The following PXN variants were observed in gnomAD, a reference collection of about 807,000 sequenced individuals.
PXN encodes the protein paxillin, also known as testicular tissue protein Li 134.
In PXN, 61 loss-of-function variants were observed where a neutral mutation model predicts 103.6. That is an observed-to-expected ratio of 0.59 (90% CI 0.48 to 0.73). PXN has a LOEUF of 0.73. Ranked by LOEUF, PXN falls within the 30% of genes least tolerant of loss-of-function variation. The probability of loss-of-function intolerance (pLI) is 0.00; values close to 1 mark genes in which losing one functional copy is unlikely to be tolerated. For missense variants in PXN, 1,274 were observed against 1,460.3 expected (o/e 0.87, Z 2.08); for synonymous variants, 562 against 607.8 (o/e 0.92, Z 1.11).
In PXN at chr12:120,217,229, A is replaced by C; in HGVS notation, c.1717-113T>G. ...GGAGCACAAAAGAAAACCACCAAAG[A>C]ACCAAGCGGAGGTGGGTGGAGGCAC... On this transcript the variant is annotated intron_variant, in intron 7 of 14. Transcript: ENST00000637617. This position sits in a 1 kb window ranked among gnomAD's most constrained non-coding sequence, Gnocchi z 4.1. 1 of 938,908 alleles carries C rather than the reference A, an allele frequency of 1.1e-6. No individual in the cohort carries two copies. The highest frequency in any genetic ancestry group is 1.6e-6 in the Non-Finnish European group (1 of 619,282). The allele number at this position is 938,908 out of a possible 1,614,324, so 58.2% of individuals were successfully genotyped here. A position where few individuals can be genotyped will look rare whatever the true frequency, so the allele number is the denominator to read the frequency against.
Position 120,225,003 on chromosome 12 carries a change from A to AG in PXN, c.14-627dup. The stretch of plus-strand genomic sequence containing the variant: ...AGCGGTCCCCACCCCCTCAGTGAGC[A>AG]GGGGGCAAGACTGCTCCATTGGCTG... On this transcript the variant is annotated intron_variant, in intron 1 of 14. Coordinates refer to ENST00000637617, the MANE Select transcript of PXN (RefSeq NM_001385981.1). This position sits in a 1 kb window ranked among gnomAD's most constrained non-coding sequence, Gnocchi z 4.4. 3.0e-6 allele frequency: 1 copy of AG among 336,594 alleles called. No individual in the cohort carries two copies. The highest frequency in any genetic ancestry group is 7.6e-5 in the East Asian group (1 of 13,078). 20.9% of individuals were successfully genotyped at this position (336,594 alleles called of 1,614,324 possible).
In PXN at chr12:120,223,802, C is replaced by A; in HGVS notation, c.272G>T (p.Ser91Ile). 1 of 1,609,460 alleles carries A rather than the reference C, an allele frequency of 6.2e-7. No homozygotes were observed. ...GTTGGAGACACTGGAAGTTTTGGCA[C>A]TGGAGCCGTACACAGGTGATGAGGA... is the stretch of plus-strand genomic sequence containing the variant. ...PQSSSPVYGS[S>I]AKTSSVSNPQ... The change falls in exon 3 of 15, where the codon AGT (serine) becomes ATT (isoleucine). Residue 91 changes from serine to isoleucine, a missense_variant. Coordinates refer to ENST00000637617, the MANE Select transcript of PXN (RefSeq NM_001385981.1).
Position 120,224,520 on chromosome 12 carries a change from A to AG in PXN, c.14-144dup. ...TGGGAGAAATGACCAGCCTTGGGAC[A>AG]GGAAGCCACCAGCCCCGACCAGCCT... On this transcript the variant is annotated intron_variant, in intron 1 of 14. Coordinates refer to ENST00000637617, the MANE Select transcript of PXN (RefSeq NM_001385981.1). This position sits in a 1 kb window ranked among gnomAD's most constrained non-coding sequence, Gnocchi z 5.0. 1 of 764,936 alleles carries AG rather than the reference A, an allele frequency of 1.3e-6. No individual in the cohort carries two copies. The highest frequency in any genetic ancestry group is 2.5e-5 in the East Asian group (1 of 40,086). 47.4% of individuals were successfully genotyped at this position (764,936 alleles called of 1,614,324 possible).
intron 1 of PXN, among the ~76,000 whole-genome samples, chr12:120,232,200 T>C (rs1888190126): frequency 6.6e-6 from 1 of 152,188 alleles, no homozygotes; most frequent in African/African-American, 2.4e-5. Context: ...AAAAACTTTT[T>C]TGTAGAGACA....
In PXN at chr12:120,221,864, C is replaced by T; in HGVS notation, c.696-106G>A. The T allele has an allele frequency of 7.0e-7, 1 of 1,435,022 alleles. No homozygotes were observed. Among genetic ancestry groups the T allele is most frequent in the East Asian group, 2.6e-5 (1 of 38,860 alleles). 88.9% of individuals were successfully genotyped at this position (1,435,022 alleles called of 1,614,324 possible). ...GACACTGGGGTCTCACCATCCCCAA[C>T]CCCAGGGAGGTCCACCAGCTCCCTG... On this transcript the variant is annotated intron_variant, in intron 5 of 14. Coordinates refer to ENST00000637617, the MANE Select transcript of PXN (RefSeq NM_001385981.1). The surrounding 1 kb of genome is among the most constrained non-coding windows in gnomAD (Gnocchi z 6.6).
intron 1 of PXN, among the ~76,000 whole-genome samples, chr12:120,258,196 A>C (rs1161365817): frequency 6.6e-6 from 1 of 151,750 alleles, no homozygotes; most frequent in East Asian, 1.9e-4. Context: ...CCGTCTCAAA[A>C]AAAAAAAAAA....
intron 1 of PXN, among the ~76,000 whole-genome samples, chr12:120,259,679 G>C (rs1893561262): frequency 6.6e-6 from 1 of 152,110 alleles, no homozygotes; most frequent in African/African-American, 2.4e-5. Context: ...TTAGTTAGTT[G>C]GAAGACTTAT....
Position 120,212,526 on chromosome 12 carries a change from A to G in PXN, c.3034T>C (p.Tyr1012His). The G allele has an allele frequency of 1.2e-6, 2 of 1,613,766 alleles. No homozygotes were observed. Among genetic ancestry groups the G allele is most frequent in the Non-Finnish European group, 1.7e-6 (2 of 1,179,768 alleles). The change falls in exon 15 of 15, where the codon TAC becomes CAC. Residue 1012 changes from tyrosine to histidine, a missense_variant. Tyr to His is a moderately conservative substitution (Grantham distance 83). Coordinates refer to ENST00000637617, the MANE Select transcript of PXN (RefSeq NM_001385981.1). This position sits in a 1 kb window ranked among gnomAD's most constrained non-coding sequence, Gnocchi z 7.2. Reference sequence around the variant, plus strand: ...CGCTCGTGGTAGTGCACCTCACAGTAGGGCTGCCCGTCGTGCTCGAAGAAG... The same window carrying G: ...CGCTCGTGGTAGTGCACCTCACAGTGGGGCTGCCCGTCGTGCTCGAAGAAG... ...GSFFEHDGQPYCEVHYHERRG... is the reference protein window; with the variant it reads ...GSFFEHDGQPHCEVHYHERRG...
chr12:120,252,122 C>T (rs1224782130), intron 1 of PXN, among the ~76,000 whole-genome samples: 1 of 152,094 alleles, frequency 6.6e-6, no homozygotes, highest in African/African-American at 2.4e-5. Flanking sequence ...CACCCCAAAC[C>T]CAGAGAGAAC....
At position 120,222,729 on chromosome 12, in the gene PXN, G is replaced by A. The variant is rs766445393; in HGVS notation, c.515C>T (p.Pro172Leu). ...GAGGGGGCTCAGGGCCCCAGGAAGC[G>A]GGGGGCTTGAGTTGGCCTCATCTTG... ...FPADEANSSP[P>L]LPGALSPLYG... The change falls in exon 5 of 15, where the codon CCG becomes CTG. Residue 172 changes from proline (P) to leucine (L), a missense_variant. Physicochemically the swap from Pro to Leu is moderately conservative, Grantham distance 98 (BLOSUM62 -3). Around this residue, in one of 2 missense-constraint regions of PXN, gnomAD observed 1,178 missense variants for 1,309.0 expected, o/e 0.90. Coordinates refer to ENST00000637617, the MANE Select transcript of PXN (RefSeq NM_001385981.1). This position sits in a 1 kb window ranked among gnomAD's most constrained non-coding sequence, Gnocchi z 4.7. 10 of 1,607,394 alleles carry A rather than the reference G, an allele frequency of 6.2e-6. No individual in the cohort carries two copies. The highest frequency in any genetic ancestry group is 1.7e-4 in the Middle Eastern group (1 of 6,034).
rs181180388 is a variant in PXN at position 120,216,437 on chromosome 12, G to A, written c.2137C>T (p.Leu713=). ...CCACAGGTATAAGCTGAGGGCCCCAGGGGGGAGGAGGCGAGCAGGCTGGGC... is the reference window on the plus strand; with the variant it reads ...CCACAGGTATAAGCTGAGGGCCCCAAGGGGGAGGAGGCGAGCAGGCTGGGC... The part of the protein sequence containing the change: ...PLPSLLASSP[L]GPSAYTCGSS... The change falls in exon 9 of 15, where the codon CTG becomes TTG. Residue 713 remains leucine, a synonymous_variant. Transcript: ENST00000637617. This position sits in a 1 kb window ranked among gnomAD's most constrained non-coding sequence, Gnocchi z 5.1. 5.1e-6 allele frequency: 7 copies of A among 1,377,660 alleles called. No individual in the cohort carries two copies. The Admixed American group carries it at 1.1e-4, about 21-fold the overall frequency. The allele number at this position is 1,377,660 out of a possible 1,614,324, so 85.3% of individuals were successfully genotyped here. A position where few individuals can be genotyped will look rare whatever the true frequency, so the allele number is the denominator to read the frequency against.
intron 1 of PXN, among the ~76,000 whole-genome samples, chr12:120,256,273 G>A (rs1234513211): frequency 1.3e-5 from 2 of 151,990 alleles, no homozygotes; most frequent in Non-Finnish European, 2.9e-5. Flanking sequence ...GGCCAGGCAT[G>A]GTGGCACGTG....
Position 120,222,055 on chromosome 12 carries a change from C to T in PXN, c.696-297G>A, listed in dbSNP as rs184155402. ...AACACTGGACATGGAGGTGAGGCTA[C>T]TGCAGTAACACGACGGCACTGGTAA... On this transcript the variant is annotated intron_variant, in intron 5 of 14. Coordinates refer to ENST00000637617, the MANE Select transcript of PXN (RefSeq NM_001385981.1). This position sits in a 1 kb window ranked among gnomAD's most constrained non-coding sequence, Gnocchi z 4.7. 7.4e-3 allele frequency among the ~76,000 whole-genome samples: 1,122 copies of T among 152,336 alleles called. 8 individuals are homozygous for T. Among genetic ancestry groups the T allele is most frequent in the African/African-American group, 0.026 (1,070 of 41,576 alleles).
rs763296177 is a variant in PXN, at chr12:120,222,838, C to T, written c.493+25G>A. 1.5e-5 allele frequency: 24 copies of T among 1,611,596 alleles called. No homozygotes were observed. The highest frequency in any genetic ancestry group is 1.7e-5 in the Non-Finnish European group (20 of 1,178,866). ...CAGATGGGCCCTGGGCCCTGGTAGA[C>T]CCTGCCCCAGGGACCCGGTCCTACC... On this transcript the variant is annotated intron_variant, in intron 4 of 14. Coordinates refer to ENST00000637617, the MANE Select transcript of PXN (RefSeq NM_001385981.1). This position sits in a 1 kb window ranked among gnomAD's most constrained non-coding sequence, Gnocchi z 4.7.
Position 120,215,330 on chromosome 12 carries a change from C to A in PXN, c.2404-57G>T, listed in dbSNP as rs1472869503. 1 of 1,538,770 alleles carries A rather than the reference C, an allele frequency of 6.5e-7. No individual in the cohort carries two copies. Among genetic ancestry groups the A allele is most frequent in the Non-Finnish European group, 8.7e-7 (1 of 1,146,440 alleles). On this transcript the variant is annotated intron_variant, in intron 10 of 14. Coordinates refer to ENST00000637617, the MANE Select transcript of PXN (RefSeq NM_001385981.1). The surrounding 1 kb of genome is among the most constrained non-coding windows in gnomAD (Gnocchi z 4.9). Reference sequence around the variant, plus strand: ...CTGAGGCTCGGGGTACGGTGTCTGGCAGCACAGGGATGGGGGTACTTTTCT... The same window carrying A: ...CTGAGGCTCGGGGTACGGTGTCTGGAAGCACAGGGATGGGGGTACTTTTCT...
rs555803755 is a variant in PXN, at chr12:120,219,017, C to T, written c.1716+190G>A. Reference sequence around the variant, plus strand: ...CTCAACAAGGCAAGAGGTGGGTTGACGCTATGAGAAATGCTGGGTCCACAG... The same window carrying T: ...CTCAACAAGGCAAGAGGTGGGTTGATGCTATGAGAAATGCTGGGTCCACAG... On this transcript the variant is annotated intron_variant, in intron 7 of 14. Transcript: ENST00000637617. The surrounding 1 kb of genome is among the most constrained non-coding windows in gnomAD (Gnocchi z 6.5). Among the ~76,000 whole-genome samples, 4 of 152,356 alleles carry T rather than the reference C, an allele frequency of 2.6e-5. No individual in the cohort carries two copies. Among genetic ancestry groups the T allele is most frequent in the South Asian group, 2.1e-4 (1 of 4,820 alleles).
intron 1 of PXN, among the ~76,000 whole-genome samples, chr12:120,257,993 G>A (rs1893282885): frequency 6.6e-6 from 1 of 152,126 alleles, no homozygotes; most frequent in African/African-American, 2.4e-5. Flanking sequence ...AGGAGTTCGA[G>A]ACCAGGCTGG....
In PXN at chr12:120,228,396, T is replaced by C. The variant is rs998869833; in HGVS notation, c.14-4019A>G. 2.0e-5 allele frequency among the ~76,000 whole-genome samples: 3 copies of C among 152,078 alleles called. No individual in the cohort carries two copies. Among genetic ancestry groups the C allele is most frequent in the African/African-American group, 7.2e-5 (3 of 41,408 alleles). ...CAACATGAGGAGGTAGGCCAGGCTGTCTCGAGGCTGAGGGCAGGCTAGGTG... is the reference window on the plus strand; with the variant it reads ...CAACATGAGGAGGTAGGCCAGGCTGCCTCGAGGCTGAGGGCAGGCTAGGTG... On this transcript the variant is annotated intron_variant, in intron 1 of 14. Transcript: ENST00000637617. This position sits in a 1 kb window ranked among gnomAD's most constrained non-coding sequence, Gnocchi z 4.7.
rs375675842 is a variant in PXN at position 120,223,809 on chromosome 12, C to G, written c.265G>C (p.Gly89Arg). The G allele has an allele frequency of 1.2e-6, 2 of 1,608,016 alleles. No individual in the cohort carries two copies. Among genetic ancestry groups the G allele is most frequent in the African/African-American group, 2.7e-5 (2 of 74,800 alleles). Residue 89 changes from glycine (G) to arginine (R), a missense_variant, in exon 3 of 15, where the codon GGC becomes CGC. Gly to Arg is a moderately radical substitution (Grantham distance 125, BLOSUM62 -2). Around this residue, in one of 2 missense-constraint regions of PXN, gnomAD observed 1,178 missense variants for 1,309.0 expected, o/e 0.90. Transcript: ENST00000637617. ...ACACTGGAAGTTTTGGCACTGGAGC[C>G]GTACACAGGTGATGAGGACTGAGGC... The part of the protein sequence containing the change: ...QQPQSSSPVY[G>R]SSAKTSSVSN...
Sources: allele counts gnomAD v4.1 joint callset (sites outside exome capture counted in the v4.1 genomes callset), GRCh38; gene constraint gnomAD v4.1.1; regional missense constraint gnomAD v4.1.1; non-coding constraint Gnocchi (gnomAD v3.1); transcripts MANE v1.5; gene names NCBI Gene and HGNC (gene_info 2026-07-23, HGNC 2026-07-21).